CNNM2: variants seen among roughly 807,000 people sequenced by gnomAD.
CNNM2 encodes the protein cyclin and CBS domain divalent metal cation transport mediator 2, also known as metal transporter CNNM2.
A neutral mutation model predicts 66.9 loss-of-function variants in CNNM2; 12 were observed. That is an observed-to-expected ratio of 0.18 (90% CI 0.11 to 0.29). The LOEUF (loss-of-function observed/expected upper bound fraction) is 0.29, where lower values mean the gene tolerates loss of function less well. Among genes scored for constraint, CNNM2 ranks in the 10% least tolerant of loss-of-function variants. The pLI is 1.00. For synonymous variants in CNNM2, 557 were observed against 501.8 expected (o/e 1.11, Z -1.47); for missense variants, 705 against 1,167.7 (o/e 0.60, Z 5.77).
chr10:103,067,720 A>G (rs970480029), intron 4 of CNNM2, among the ~76,000 whole-genome samples: 3 of 152,190 alleles, frequency 2.0e-5, no homozygotes, highest in African/African-American at 7.2e-5. Context: ...AGGGATGAAT[A>G]AGACACTCTA....
intron 7 of CNNM2, among the ~76,000 whole-genome samples, chr10:103,076,602 T>TGAGGTCAGGA (rs1203969337): frequency 1.3e-5 from 2 of 152,192 alleles, no homozygotes; most frequent in African/African-American, 4.8e-5. Flanking sequence ...CTGGGAAGGC[T>TGAGGTCAGGA]GAGGTCAGGA....
intron 1 of CNNM2, among the ~76,000 whole-genome samples, chr10:102,927,039 A>G (rs1845892599): frequency 6.6e-6 from 1 of 151,056 alleles, no homozygotes; most frequent in Non-Finnish European, 1.5e-5. Flanking sequence ...TTTTCAATAT[A>G]AAATTTTATG....
At chr10:102,936,292 C>T (rs963784353) in intron 1 of CNNM2, among the ~76,000 whole-genome samples, 1 of 152,094 alleles carries the variant, frequency 6.6e-6, no homozygotes, top group Non-Finnish European at 1.5e-5. Context: ...ACAACTAGAA[C>T]AAGATAGCAT....
chr10:102,978,123 C>G (rs375285030), intron 1 of CNNM2, among the ~76,000 whole-genome samples: 6 of 151,790 alleles, frequency 4.0e-5, no homozygotes, highest in African/African-American at 1.5e-4. Flanking sequence ...GTTGGCCAGG[C>G]TGGTCTCAAA....
intron 1 of CNNM2, among the ~76,000 whole-genome samples, chr10:102,958,474 T>G (rs1312678240): frequency 5.7e-5 from 7 of 123,594 alleles, no homozygotes; most frequent in South Asian, 2.8e-4. Flanking sequence ...TTTTTTTTTT[T>G]TTTTTTTTTT....
rs59984156 is a variant in CNNM2 at position 103,017,963 on chromosome 10, C to CAAAAAAAAAAAAAAAAAAA, written c.1622-31726_1622-31725insAAAAAAAAAAAAAAAAAAA. Among the ~76,000 whole-genome samples, 75 of 78,840 alleles carry CAAAAAAAAAAAAAAAAAAA rather than the reference C, an allele frequency of 9.5e-4. 4 individuals are homozygous for CAAAAAAAAAAAAAAAAAAA. Among genetic ancestry groups the CAAAAAAAAAAAAAAAAAAA allele is most frequent in the African/African-American group, 1.5e-3 (25 of 16,902 alleles). The allele number at this position is 78,840 out of a possible 152,430, so 51.7% of individuals were successfully genotyped here. On this transcript the variant is annotated intron_variant, in intron 1 of 7. Transcript: ENST00000369878. ...TGGGGGACAGAGCAAGAATCTGTCT[C>CAAAAAAAAAAAAAAAAAAA]AAAAAAAAAAAAAAAAAAGGCAAGC...
At chr10:102,972,845 TA>T (rs2063567107) in intron 1 of CNNM2, among the ~76,000 whole-genome samples, 1 of 152,182 alleles carries the variant, frequency 6.6e-6, no homozygotes. Context: ...ATGCAACTGA[TA>T]AGGAGAGAAA....
intron 1 of CNNM2, among the ~76,000 whole-genome samples, chr10:102,962,126 A>G (rs992277708): frequency 3.3e-5 from 5 of 152,176 alleles, no homozygotes; most frequent in African/African-American, 9.7e-5. Flanking sequence ...ATGAGGACAC[A>G]TGGACAAAGG....
rs1368341156 is a variant in CNNM2 at position 103,076,122 on chromosome 10, A to C, written c.2270A>C (p.Asn757Thr). The change falls in exon 7 of 8, where the codon AAT (asparagine) becomes ACT (threonine). Residue 757 changes from asparagine (N) to threonine (T), a missense_variant. By Grantham distance (65) the Asn-to-Thr change is moderately conservative. Coordinates refer to ENST00000369878, the MANE Select transcript of CNNM2 (RefSeq NM_017649.5). ...TCCCCTCCTCGCCCATGTGGCTTGA[A>C]TCACTCAGACTCTCTCAGTCGAAGC... Reference protein sequence around the residue: ...NKSPPRPCGLNHSDSLSRSDR... With the variant: ...NKSPPRPCGLTHSDSLSRSDR... 2 of 1,612,008 alleles carry C rather than the reference A, an allele frequency of 1.2e-6. No individual in the cohort carries two copies. Among genetic ancestry groups the C allele is most frequent in the African/African-American group, 2.7e-5 (2 of 74,884 alleles).
At chr10:103,067,509 A>G (rs2065500164) in intron 4 of CNNM2, among the ~76,000 whole-genome samples, 3 of 152,214 alleles carry the variant, frequency 2.0e-5, no homozygotes, top group Admixed American at 6.5e-5. Flanking sequence ...GTGTTAGCAC[A>G]ATTCCTTTTC....
At chr10:103,025,526 T>C (rs2064684983) in intron 1 of CNNM2, among the ~76,000 whole-genome samples, 1 of 152,254 alleles carries the variant, frequency 6.6e-6, no homozygotes, top group African/African-American at 2.4e-5. Context: ...TTAATGTTCT[T>C]TGCCTGAATC....
chr10:103,056,635 GTA>G, intron 3 of CNNM2, 158 bp from the exon 4 acceptor site: 1 of 666,136 alleles, frequency 1.5e-6, no homozygotes, highest in Non-Finnish European at 2.6e-6. Context: ...TTTCTCCCAG[GTA>G]ATCTGTCCCC....
At chr10:102,926,789 C>T (rs1590259115) in intron 1 of CNNM2, among the ~76,000 whole-genome samples, 1 of 148,700 alleles carries the variant, frequency 6.7e-6, no homozygotes, top group African/African-American at 2.5e-5. Context: ...GATATCGGCT[C>T]ACTGCAAGCT....
At chr10:102,968,712 T>C (rs2063503762) in intron 1 of CNNM2, among the ~76,000 whole-genome samples, 1 of 151,934 alleles carries the variant, frequency 6.6e-6, no homozygotes, top group African/African-American at 2.4e-5. Flanking sequence ...CAAGTGATCC[T>C]TCCGCCTCAT....
chr10:103,062,634 C>G (rs565192121), intron 4 of CNNM2, among the ~76,000 whole-genome samples: 7 of 151,608 alleles, frequency 4.6e-5, no homozygotes, highest in Non-Finnish European at 1.0e-4. Context: ...TTTGGCTGAC[C>G]TGGAAGGGCC....
intron 4 of CNNM2, among the ~76,000 whole-genome samples, chr10:103,059,829 A>G (rs2065354583): frequency 6.6e-6 from 1 of 152,230 alleles, no homozygotes; most frequent in African/African-American, 2.4e-5. Context: ...AACATAATCA[A>G]GAGAAATATA....
Position 103,054,516 on chromosome 10 carries a change from T to C in CNNM2, c.1903+50T>C. ...AGATCTCTACCAACCCTGAAGCGTG[T>C]TTCTCACCCACCACTGACTGGGGTG... is the stretch of plus-strand genomic sequence containing the variant. On this transcript the variant is annotated intron_variant, in intron 3 of 7. Transcript: ENST00000369878. The surrounding 1 kb of genome is among the most constrained non-coding windows in gnomAD (Gnocchi z 5.2). The C allele has an allele frequency of 1.3e-6, 2 of 1,589,602 alleles. No homozygotes were observed. The highest frequency in any genetic ancestry group is 1.7e-6 in the Non-Finnish European group (2 of 1,164,444).
chr10:103,075,999 T>G, intron 6 of CNNM2, 87 bp from the exon 7 acceptor site: 2 of 1,223,768 alleles, frequency 1.6e-6, no homozygotes, highest in Non-Finnish European at 2.3e-6. Context: ...TTGTGTGGCA[T>G]TTAGTATTTT....
chr10:103,054,603 T>C lies in CNNM2; in HGVS notation c.1903+137T>C. The C allele has an allele frequency of 1.4e-6, 1 of 733,316 alleles. No individual in the cohort carries two copies. Among genetic ancestry groups the C allele is most frequent in the Non-Finnish European group, 2.0e-6 (1 of 501,234 alleles). 45.4% of individuals were successfully genotyped at this position (733,316 alleles called of 1,614,324 possible). Reference sequence around the variant, plus strand: ...AATGCCACTTTTGTGTTTTGTTTTTTTTGTTTTTTTGTTTTGTTTTGTTTT... The same window carrying C: ...AATGCCACTTTTGTGTTTTGTTTTTCTTGTTTTTTTGTTTTGTTTTGTTTT... On this transcript the variant is annotated intron_variant, in intron 3 of 7. Coordinates refer to ENST00000369878, the MANE Select transcript of CNNM2 (RefSeq NM_017649.5). This position sits in a 1 kb window ranked among gnomAD's most constrained non-coding sequence, Gnocchi z 5.2.
Sources: gnomAD v4.1 joint callset for allele counts (sites outside exome capture counted in the v4.1 genomes callset) on GRCh38, gnomAD v4.1.1 for gene constraint, Gnocchi (gnomAD v3.1) non-coding constraint, MANE v1.5 for transcripts, NCBI Gene and HGNC (gene_info 2026-07-23, HGNC 2026-07-21) for gene names.